The following MGAT4C variants were observed in gnomAD, a reference collection of about 807,000 sequenced individuals.
MGAT4C encodes the protein MGAT4 family member C.
A neutral mutation model predicts 40.1 loss-of-function variants in MGAT4C; 19 were observed. The observed-to-expected ratio is 0.47, with a 90% CI of 0.33 to 0.70. The LOEUF is 0.70. Among genes scored for constraint, MGAT4C ranks in the 30% least tolerant of loss-of-function variants. MGAT4C has a pLI of 0.02. For synonymous variants in MGAT4C, 181 were observed against 187.1 expected (o/e 0.97, Z 0.27); for missense variants, 491 against 563.2 (o/e 0.87, Z 1.30).
chr12:86,706,197 T>G (rs1202321262), intron 2 of MGAT4C, among the ~76,000 whole-genome samples: 1 of 152,124 alleles, frequency 6.6e-6, no homozygotes, highest in African/African-American at 2.4e-5. Context: ...GAAGGTAATG[T>G]AAGGAGAAAC....
intron 2 of MGAT4C, among the ~76,000 whole-genome samples, chr12:86,625,649 T>C (rs1287097225): frequency 6.6e-6 from 1 of 152,080 alleles, no homozygotes; most frequent in Non-Finnish European, 1.5e-5. Flanking sequence ...AACAGATATA[T>C]TGGGAGTCCT....
chr12:86,716,586 G>C (rs546672723), intron 2 of MGAT4C, among the ~76,000 whole-genome samples: 1 of 152,196 alleles, frequency 6.6e-6, no homozygotes, highest in East Asian at 1.9e-4. Context: ...TAAACTCATT[G>C]AGAAGTTATT....
intron 2 of MGAT4C, among the ~76,000 whole-genome samples, chr12:86,560,463 A>T (rs186196681): frequency 2.6e-5 from 4 of 152,240 alleles, no homozygotes; most frequent in African/African-American, 9.6e-5. Flanking sequence ...TGGTTCCACG[A>T]ATTCAAGGAT....
intron 4 of MGAT4C, among the ~76,000 whole-genome samples, chr12:86,313,604 T>G (rs948312702): frequency 4.6e-5 from 7 of 152,056 alleles, no homozygotes; most frequent in Non-Finnish European, 1.0e-4. Flanking sequence ...GGAGAAAAAT[T>G]TTAATTACTC....
chr12:86,807,698 C>T (rs912102289), intron 1 of MGAT4C, among the ~76,000 whole-genome samples: 8 of 152,080 alleles, frequency 5.3e-5, no homozygotes, highest in African/African-American at 9.7e-5. Flanking sequence ...GGGGAATCCC[C>T]GCACTGTCGT....
At chr12:86,583,848 C>G (rs1960893699) in intron 2 of MGAT4C, among the ~76,000 whole-genome samples, 1 of 151,106 alleles carries the variant, frequency 6.6e-6, no homozygotes, top group African/African-American at 2.4e-5. Flanking sequence ...GAAAAAGAAT[C>G]TTTCTTAACG....
rs56753654 is a variant in MGAT4C at position 86,662,704 on chromosome 12, G to A, written c.-229+64505C>T. Among the ~76,000 whole-genome samples the A allele has an allele frequency of 3.0e-3, 463 of 152,242 alleles. 2 individuals are homozygous for A. Among genetic ancestry groups the A allele is most frequent in the African/African-American group, 0.011 (443 of 41,536 alleles). Reference sequence around the variant, plus strand: ...AAAACATCTGGCATAGTGTATGACAGAGTGGATGGTAGCTCTCATTTGAGT... The same window carrying A: ...AAAACATCTGGCATAGTGTATGACAAAGTGGATGGTAGCTCTCATTTGAGT... On this transcript the variant is annotated intron_variant, in intron 2 of 7. Transcript: ENST00000548651.
intron 1 of MGAT4C, among the ~76,000 whole-genome samples, chr12:86,766,991 T>C (rs1321309817): frequency 6.6e-6 from 1 of 152,018 alleles, no homozygotes; most frequent in Non-Finnish European, 1.5e-5. Flanking sequence ...ATTCAAAAGG[T>C]AGCAGAAGGC....
Position 86,394,949 on chromosome 12 carries a change from C to T in MGAT4C, c.-120+40208G>A, listed in dbSNP as rs536323432. Among the ~76,000 whole-genome samples, 31 of 151,898 alleles carry T rather than the reference C, an allele frequency of 2.0e-4. No homozygotes were observed. In the East Asian group the frequency reaches 4.9e-3, roughly 24 times the overall value. On this transcript the variant is annotated intron_variant, in intron 3 of 7. Transcript: ENST00000548651. ...TTTTTTTGAGGAATATTACATGTAA[C>T]TTGTATCACTATTTAAATAATATTT...
chr12:86,330,083 T>G (rs1954626023), intron 4 of MGAT4C, among the ~76,000 whole-genome samples: 1 of 152,194 alleles, frequency 6.6e-6, no homozygotes, highest in South Asian at 2.1e-4. Context: ...TATTTTAAGC[T>G]GAAGGAAATT....
intron 1 of MGAT4C, among the ~76,000 whole-genome samples, chr12:86,798,666 T>C (rs560400870): frequency 5.9e-5 from 9 of 151,960 alleles, no homozygotes; most frequent in African/African-American, 2.2e-4. Context: ...AAACAATATA[T>C]GTGAAAAATG....
At chr12:86,067,462 A>G (rs1218659516) in intron 1 of MGAT4C, among the ~76,000 whole-genome samples, 1 of 152,132 alleles carries the variant, frequency 6.6e-6, no homozygotes, top group Non-Finnish European at 1.5e-5. Context: ...CAAGAACAGA[A>G]AACCAAACAC....
At chr12:86,389,421 C>A (rs1035574492) in intron 3 of MGAT4C, among the ~76,000 whole-genome samples, 3 of 152,144 alleles carry the variant, frequency 2.0e-5, no homozygotes, top group African/African-American at 7.2e-5. Flanking sequence ...ATATGTACCA[C>A]ATTTTCTTTA....
chr12:86,638,100 T>C lies in MGAT4C; in HGVS notation c.-229+89109A>G, dbSNP rs987135196. ...TAATTTTATCCGTAAACAATTTACCTGTTAATTTTTATCTAACAAAAAAAT... is the reference window on the plus strand; with the variant it reads ...TAATTTTATCCGTAAACAATTTACCCGTTAATTTTTATCTAACAAAAAAAT... On this transcript the variant is annotated intron_variant, in intron 2 of 7. Transcript: ENST00000548651. Among the ~76,000 whole-genome samples, 4 of 126,074 alleles carry C rather than the reference T, an allele frequency of 3.2e-5. No homozygotes were observed. In the South Asian group the frequency reaches 1.2e-3, roughly 38 times the overall value. The allele number at this position is 126,074 out of a possible 152,430, so 82.7% of individuals were successfully genotyped here.
intron 2 of MGAT4C, among the ~76,000 whole-genome samples, chr12:86,594,971 A>C (rs1181950954): frequency 6.6e-6 from 1 of 152,190 alleles, no homozygotes; most frequent in Non-Finnish European, 1.5e-5. Context: ...TTTGTTCTAC[A>C]CACACGGTCC....
At chr12:86,239,882 C>CGGG (rs1951703729) in intron 1 of MGAT4C, among the ~76,000 whole-genome samples, 1 of 55,052 alleles carries the variant, frequency 1.8e-5, no homozygotes, top group South Asian at 4.6e-4. Flanking sequence ...GTGGTGGGGT[C>CGGG]GGGGGAGGGG....
chr12:86,427,961 T>C (rs1592834971), intron 3 of MGAT4C, among the ~76,000 whole-genome samples: 1 of 151,800 alleles, frequency 6.6e-6, no homozygotes, highest in Admixed American at 6.6e-5. Context: ...CAGAGGTTGC[T>C]GTGAGCTGAG....
chr12:86,327,909 AT>A (rs1480394441), intron 4 of MGAT4C, among the ~76,000 whole-genome samples: 1 of 151,868 alleles, frequency 6.6e-6, no homozygotes, highest in African/African-American at 2.4e-5. Context: ...CTTAAGGTTT[AT>A]TTTTTTTCAA....
chr12:86,341,307 C>T (rs1954900488), intron 3 of MGAT4C, among the ~76,000 whole-genome samples: 1 of 152,212 alleles, frequency 6.6e-6, no homozygotes. Flanking sequence ...TGTGAACCCA[C>T]TCCACTAGGG....
Sources: gnomAD v4.1 joint callset for allele counts (sites outside exome capture counted in the v4.1 genomes callset) on GRCh38, gnomAD v4.1.1 for gene constraint, MANE v1.5 for transcripts, NCBI Gene and HGNC (gene_info 2026-07-23, HGNC 2026-07-21) for gene names.